The following MED16 variants were observed in gnomAD, a reference collection of about 807,000 sequenced individuals.
The protein encoded by MED16 is mediator of RNA polymerase II transcription subunit 16.
A neutral mutation model predicts 84.4 loss-of-function variants in MED16; 81 were observed. That is an observed-to-expected ratio of 0.96 (90% confidence interval 0.80 to 1.15). MED16 has a LOEUF of 1.15. MED16 is among the 50% of genes most tolerant of loss of function. MED16 has a pLI of 0.00. For missense variants in MED16, 1,585 were observed against 1,245.9 expected (o/e 1.27, Z -4.10); for synonymous variants, 897 against 552.2 (o/e 1.62, Z -8.76).
At chr19:880,630 G>A (rs116501596) in intron 7 of MED16, among the ~76,000 whole-genome samples, 1,888 of 152,332 alleles carry the variant, frequency 0.012, 43 homozygotes, top group African/African-American at 0.043. Flanking sequence ...GCAGTAGAGA[G>A]GCTGCAAAGC....
chr19:892,991 C>G (rs1251563040), intron 1 of MED16, 95 bp downstream of exon 1: 1 of 152,686 alleles, frequency 6.5e-6, no homozygotes, highest in Non-Finnish European at 1.5e-5. Context: ...CCCGACCCCG[C>G]AGGCCCCGCC....
rs1231794669 is a variant in MED16, at chr19:868,137, T to C, written c.2598A>G (p.Arg866=). The C allele has an allele frequency of 1.2e-6, 2 of 1,611,752 alleles. No individual in the cohort carries two copies. The highest frequency in any genetic ancestry group is 1.7e-6 in the Non-Finnish European group (2 of 1,179,626). The part of the protein sequence containing the change: ...QSTHHSPRTP[R]SLDHLHPEDR... The stretch of plus-strand genomic sequence containing the variant: ...CCTCTGGATGCAGATGGTCCAGGGA[T>C]CTGGGGGTCCTGGGAGAGTGGTGTG... The change falls in exon 16 of 16, where the codon AGA becomes AGG. Residue 866 remains arginine (R), a synonymous_variant. Coordinates refer to ENST00000325464, the MANE Select transcript of MED16 (RefSeq NM_005481.3).
chr19:891,499 G>C (rs1251003468), intron 1 of MED16, among the ~76,000 whole-genome samples: 2 of 151,986 alleles, frequency 1.3e-5, no homozygotes, highest in Non-Finnish European at 2.9e-5. Flanking sequence ...GGTGAGTGAT[G>C]ATGGGGGCAG....
chr19:880,045 A>G lies in MED16; in HGVS notation c.1245T>C (p.Asp415=), dbSNP rs771804202. 18 of 1,611,094 alleles carry G rather than the reference A, an allele frequency of 1.1e-5. No homozygotes were observed. In the Admixed American group the frequency reaches 2.8e-4, roughly 25 times the overall value. The change falls in exon 8 of 16, where the codon GAT becomes GAC. Residue 415 remains aspartate (D), a synonymous_variant. Transcript: ENST00000325464. ...TGCGGGGGCGCTTCATGGCCGGCTC[A>G]TCCACAGGCCTCGGGGCCGCGGAGC... is the stretch of plus-strand genomic sequence containing the variant. ...FYSSAAPRPV[D]EPAMKRPRTA... is the part of the protein sequence containing the mutation.
rs564391362 is a variant in MED16, at chr19:883,666, C to T, written c.985+1237G>A. Among the ~76,000 whole-genome samples, 17 of 152,168 alleles carry T rather than the reference C, an allele frequency of 1.1e-4. No homozygotes were observed. In the South Asian group the frequency reaches 1.9e-3, roughly 17 times the overall value. ...GGCTGCAGGAGACGAGGAGGAGTGT[C>T]GGAGCCCAGGACTGCCCAGTGGCTT... On this transcript the variant is annotated intron_variant, in intron 6 of 15. Transcript: ENST00000325464.
At position 871,092 on chromosome 19, in the gene MED16, G is replaced by A. The variant is rs373765974; in HGVS notation, c.2260C>T (p.Arg754Trp). The change falls in exon 13 of 16, where the codon CGG becomes TGG. Residue 754 changes from arginine (R) to tryptophan (W), a missense_variant. Physicochemically the swap from Arg to Trp is moderately radical, Grantham distance 101 (BLOSUM62 -3). Coordinates refer to ENST00000325464, the MANE Select transcript of MED16 (RefSeq NM_005481.3). The part of the protein sequence containing the change: ...PKQPLRLQFG[R>W]APTLPGSAAT... Reference sequence around the variant, plus strand: ...GCACTGCCAGGCAGCGTGGGCGCCCGGCCAAACTGCAGACGAAGGGGCTGC... The same window carrying A: ...GCACTGCCAGGCAGCGTGGGCGCCCAGCCAAACTGCAGACGAAGGGGCTGC... 118 of 1,548,228 alleles carry A rather than the reference G, an allele frequency of 7.6e-5. No homozygotes were observed. The highest frequency in any genetic ancestry group is 5.2e-4 in the South Asian group (44 of 83,982).
At chr19:885,305 G>A (rs1342645449) in intron 5 of MED16, among the ~76,000 whole-genome samples, 1 of 152,140 alleles carries the variant, frequency 6.6e-6, no homozygotes, top group Admixed American at 6.6e-5. Context: ...AATTACAACA[G>A]GAATCCAGGC....
chr19:871,483 C>T, intron 12 of MED16: 2 of 1,470,454 alleles, frequency 1.4e-6, no homozygotes, highest in Non-Finnish European at 1.8e-6. Flanking sequence ...ATGAGACTCC[C>T]TCATTCACTT....
At chr19:887,476 G>A (rs2036549995) in intron 4 of MED16, among the ~76,000 whole-genome samples, 1 of 151,736 alleles carries the variant, frequency 6.6e-6, no homozygotes, top group Non-Finnish European at 1.5e-5. Context: ...CACCATCCTG[G>A]CCAAGATAGT....
chr19:887,003 C>T (rs2036538733), intron 4 of MED16, among the ~76,000 whole-genome samples: 1 of 150,074 alleles, frequency 6.7e-6, no homozygotes. Context: ...TGCTGGAATC[C>T]AGGAGGTGGT....
intron 12 of MED16, 128 bp downstream of exon 12, chr19:871,798 A>AGAGCGGGGAGAGGGGAGAGCG (rs2036070450): frequency 3.7e-5 from 1 of 27,310 alleles, no homozygotes; most frequent in Non-Finnish European, 7.7e-5. Context: ...AGCGGGGAGA[A>AGAGCGGGGAGAGGGGAGAGCG]GGGAGAGCGG....
chr19:874,052 G>A (rs990038535), intron 10 of MED16, among the ~76,000 whole-genome samples: 1 of 152,156 alleles, frequency 6.6e-6, no homozygotes, highest in Non-Finnish European at 1.5e-5. Context: ...CTGTGCACAC[G>A]GCTCCCAGCT....
At chr19:891,587 G>A (rs986951453) in intron 1 of MED16, among the ~76,000 whole-genome samples, 4 of 151,484 alleles carry the variant, frequency 2.6e-5, no homozygotes, top group Admixed American at 6.6e-5. Flanking sequence ...TAGCCGAGGC[G>A]GGGCTGAGTG....
intron 13 of MED16, among the ~76,000 whole-genome samples, chr19:869,791 G>C (rs1472670313): frequency 6.6e-6 from 1 of 152,198 alleles, no homozygotes. Context: ...TGAGCAATCA[G>C]TGGCTCAGAG....
chr19:871,730 C>T lies in MED16; in HGVS notation c.2098+196G>A, dbSNP rs973052807. On this transcript the variant is annotated intron_variant, in intron 12 of 15. Coordinates refer to ENST00000325464, the MANE Select transcript of MED16 (RefSeq NM_005481.3). ...CAGGGGCTTATGTTCTGGCGGGGGGCTCAGGCAGGACTTGTGTTTTGGTAG... is the reference window on the plus strand; with the variant it reads ...CAGGGGCTTATGTTCTGGCGGGGGGTTCAGGCAGGACTTGTGTTTTGGTAG... 23 of 875,476 alleles carry T rather than the reference C, an allele frequency of 2.6e-5. No homozygotes were observed. The African/African-American group carries it at 3.2e-4, about 12-fold the overall frequency. The allele number at this position is 875,476 out of a possible 1,614,324, so 54.2% of individuals were successfully genotyped here.
At position 885,974 on chromosome 19, in the gene MED16, G is replaced by A. The variant is rs2036517291; in HGVS notation, c.675C>T (p.Asn225=). 1.2e-6 allele frequency: 2 copies of A among 1,611,438 alleles called. No homozygotes were observed. Among genetic ancestry groups the A allele is most frequent in the Non-Finnish European group, 1.7e-6 (2 of 1,179,438 alleles). Residue 225 remains asparagine (N), a synonymous_variant, in exon 5 of 16, where the codon AAC becomes AAT. Transcript: ENST00000325464. Reference sequence around the variant, plus strand: ...TGCCGTCCGCCGTGGCCACCACGATGTTGCCGCCGCCGGTGAAGGCGATGT... The same window carrying A: ...TGCCGTCCGCCGTGGCCACCACGATATTGCCGCCGCCGGTGAAGGCGATGT... The part of the protein sequence containing the change: ...LADIAFTGGG[N]IVVATADGSS...
intron 11 of MED16, among the ~76,000 whole-genome samples, 176 bp downstream of exon 11, chr19:873,247 TGGGACTCCAACCAGGGGCGGGGCTGA>T: frequency 1.7e-5 from 1 of 59,382 alleles, no homozygotes; most frequent in South Asian, 5.7e-4. Flanking sequence ...CAAGTAGGGG[TGGGACTCCAACCAGGGGCGGGGCTGA>T]GGTGGGACTC....
At chr19:883,608 G>A (rs886431072) in intron 6 of MED16, among the ~76,000 whole-genome samples, 5 of 152,240 alleles carry the variant, frequency 3.3e-5, no homozygotes, top group East Asian at 1.9e-4. Flanking sequence ...CGTGGCTCTC[G>A]GGCGGGTAAC....
chr19:890,615 G>A (rs2036613724), intron 2 of MED16, among the ~76,000 whole-genome samples: 1 of 152,192 alleles, frequency 6.6e-6, no homozygotes, highest in African/African-American at 2.4e-5. Flanking sequence ...AAACAATGGA[G>A]AGAAGACGGG....
Sources: gnomAD v4.1 joint callset for allele counts (sites outside exome capture counted in the v4.1 genomes callset) on GRCh38, gnomAD v4.1.1 for gene constraint, MANE v1.5 for transcripts, NCBI Gene and HGNC (gene_info 2026-07-23, HGNC 2026-07-21) for gene names.